SLC30A8: variants seen among roughly 807,000 people sequenced by gnomAD.
The protein encoded by SLC30A8 is solute carrier family 30 member 8.
SLC30A8 carries 27 observed loss-of-function variants against 36.9 expected under a neutral mutation model. That is an observed-to-expected ratio of 0.73 (90% confidence interval 0.54 to 1.01). The LOEUF is 1.01. Among genes scored for constraint, SLC30A8 ranks in the 50% least tolerant of loss-of-function variants. SLC30A8 has a pLI of 0.00. For synonymous variants in SLC30A8, 164 were observed against 172.4 expected, an observed-to-expected ratio of 0.95 and a Z score of 0.38; for missense variants, 439 against 452.0, an observed-to-expected ratio of 0.97 and a Z score of 0.26.
intron 2 of SLC30A8, among the ~76,000 whole-genome samples, chr8:117,055,297 A>G (rs1373239761): frequency 6.6e-6 from 1 of 152,210 alleles, no homozygotes; most frequent in African/African-American, 2.4e-5. Context: ...CATGAGCCCA[A>G]AGGTTCTGCA....
intron 1 of SLC30A8, among the ~76,000 whole-genome samples, chr8:116,994,726 A>G (rs1815759004): frequency 1.3e-5 from 2 of 152,222 alleles, no homozygotes; most frequent in African/African-American, 4.8e-5. Context: ...ATTGAGTTAT[A>G]AATGTGGGAT....
rs78759527 is a variant in SLC30A8, at chr8:117,000,137, G to A, written c.-265-39082G>A. Among the ~76,000 whole-genome samples the A allele has an allele frequency of 2.7e-4, 41 of 152,294 alleles. No individual in the cohort carries two copies. In the East Asian group the frequency reaches 7.9e-3, roughly 29 times the overall value. On this transcript the variant is annotated intron_variant, in intron 1 of 10. Transcript: ENST00000427715. ...GCTCTATTTTAAACGCTATGAGTCA[G>A]ATCAAGCAATGTTAGCCATGTCTTA...
intron 2 of SLC30A8, among the ~76,000 whole-genome samples, chr8:117,053,459 C>T (rs552937038): frequency 2.0e-5 from 3 of 152,186 alleles, no homozygotes; most frequent in East Asian, 3.9e-4. Context: ...AAACAGAGGC[C>T]GTGTTGCTCA....
intron 7 of SLC30A8, 90 bp downstream of exon 7, chr8:117,171,258 T>C (rs1045219641): frequency 1.0e-5 from 14 of 1,379,276 alleles, no homozygotes; most frequent in African/African-American, 1.0e-4. Flanking sequence ...GCTGCCCTTA[T>C]TGTCTGTTGC....
chr8:116,983,496 T>G (rs1236037045), intron 1 of SLC30A8, among the ~76,000 whole-genome samples: 2 of 152,178 alleles, frequency 1.3e-5, no homozygotes, highest in Admixed American at 6.5e-5. Flanking sequence ...TACTGGTGTG[T>G]TAAATTTTCC....
intron 2 of SLC30A8, among the ~76,000 whole-genome samples, chr8:117,064,949 T>C (rs918845174): frequency 1.3e-5 from 2 of 152,204 alleles, no homozygotes; most frequent in African/African-American, 4.8e-5. Flanking sequence ...TACTATCCAA[T>C]AAAGTAAAGA....
intron 2 of SLC30A8, among the ~76,000 whole-genome samples, chr8:117,039,749 T>A (rs189238019): frequency 2.0e-5 from 3 of 152,246 alleles, no homozygotes; most frequent in Non-Finnish European, 4.4e-5. Flanking sequence ...GCTTTTATTA[T>A]GTTTTTAGCT....
chr8:117,113,363 A>G (rs1820313132), intron 2 of SLC30A8, among the ~76,000 whole-genome samples: 2 of 152,158 alleles, frequency 1.3e-5, no homozygotes, highest in South Asian at 2.1e-4. Context: ...TTTCCATGTT[A>G]TGACTCAATG....
chr8:117,108,848 A>T (rs1820107724), intron 2 of SLC30A8, among the ~76,000 whole-genome samples: 2 of 152,206 alleles, frequency 1.3e-5, no homozygotes, highest in Non-Finnish European at 2.9e-5. Flanking sequence ...TCGAGGTCCT[A>T]ACTGTGTATG....
At chr8:117,158,675 C>T (rs1453674272) in intron 4 of SLC30A8, among the ~76,000 whole-genome samples, 1 of 152,168 alleles carries the variant, frequency 6.6e-6, no homozygotes, top group Non-Finnish European at 1.5e-5. Context: ...CTGGATTGCC[C>T]AGGCAATGGG....
At chr8:116,969,003 G>A (rs902215073) in intron 1 of SLC30A8, among the ~76,000 whole-genome samples, 2 of 152,052 alleles carry the variant, frequency 1.3e-5, no homozygotes, top group African/African-American at 4.8e-5. Context: ...CCAAAGTACT[G>A]GGATTAAAGC....
chr8:117,061,660 T>C (rs1205235917), intron 2 of SLC30A8, among the ~76,000 whole-genome samples: 1 of 152,212 alleles, frequency 6.6e-6, no homozygotes, highest in African/African-American at 2.4e-5. Context: ...TTATTACTTA[T>C]AAGCCAAATC....
intron 2 of SLC30A8, among the ~76,000 whole-genome samples, chr8:117,053,234 C>T (rs1817765712): frequency 6.6e-6 from 1 of 152,130 alleles, no homozygotes; most frequent in Admixed American, 6.6e-5. Flanking sequence ...TGGCTGAAGC[C>T]TCCTGTCTTA....
At position 117,171,149 on chromosome 8, in the gene SLC30A8, C is replaced by T. The variant is rs983537849; in HGVS notation, c.945C>T (p.Leu315=). 6.2e-7 allele frequency: 1 copy of T among 1,613,506 alleles called. No individual in the cohort carries two copies. The highest frequency in any genetic ancestry group is 1.3e-5 in the African/African-American group (1 of 74,968). Residue 315 remains leucine, a synonymous_variant, in exon 7 of 8, where the codon CTC becomes CTT. Coordinates refer to ENST00000456015, the MANE Select transcript of SLC30A8 (RefSeq NM_173851.3). ...IWSLTMNQVI[L]SAHVATAASR... is the part of the protein sequence containing the mutation. Reference sequence around the variant, plus strand: ...CTCTAACAATGAATCAAGTAATTCTCTCAGCTCATGTTGCTACAGGTCAGT... The same window carrying T: ...CTCTAACAATGAATCAAGTAATTCTTTCAGCTCATGTTGCTACAGGTCAGT...
chr8:117,026,706 G>T (rs925722686), intron 1 of SLC30A8, among the ~76,000 whole-genome samples: 5 of 152,174 alleles, frequency 3.3e-5, no homozygotes, highest in African/African-American at 1.2e-4. Context: ...CTTATCTGCA[G>T]AACAGGGGAG....
intron 2 of SLC30A8, among the ~76,000 whole-genome samples, chr8:117,041,638 G>C (rs1817389987): frequency 6.6e-6 from 1 of 152,136 alleles, no homozygotes; most frequent in South Asian, 2.1e-4. Context: ...GCAGTGAGCT[G>C]AGATCAGGCC....
chr8:117,041,845 C>A (rs1436105423), intron 2 of SLC30A8, among the ~76,000 whole-genome samples: 4 of 152,232 alleles, frequency 2.6e-5, no homozygotes, highest in African/African-American at 9.7e-5. Context: ...CAATAAGATA[C>A]ATTTCAGTTA....
chr8:117,022,531 A>C (rs192481322), intron 1 of SLC30A8, among the ~76,000 whole-genome samples: 44 of 152,338 alleles, frequency 2.9e-4, no homozygotes, highest in Admixed American at 2.1e-3. Flanking sequence ...AAACAGAGAT[A>C]TAGACCAATG....
At chr8:116,987,718 C>T (rs886081876) in intron 1 of SLC30A8, among the ~76,000 whole-genome samples, 2 of 152,094 alleles carry the variant, frequency 1.3e-5, no homozygotes, top group Admixed American at 1.3e-4. Flanking sequence ...TTTTCTGAGA[C>T]TGAGTATCAC....
Sources: allele counts gnomAD v4.1 joint callset (sites outside exome capture counted in the v4.1 genomes callset), GRCh38; gene constraint gnomAD v4.1.1; transcripts MANE v1.5; gene names NCBI Gene and HGNC (gene_info 2026-07-23, HGNC 2026-07-21).